The following ARHGAP22 variants were observed in gnomAD, a reference collection of about 807,000 sequenced individuals.
ARHGAP22 encodes rho GTPase-activating protein 22.
ARHGAP22 carries 48 observed loss-of-function variants against 59.1 expected under a neutral mutation model. The ratio of observed to expected loss-of-function variants is 0.81; its 90% CI spans 0.64 to 1.03. The LOEUF is 1.03. ARHGAP22 is among the 50% of genes least tolerant of loss of function. The pLI is 0.00. For missense variants in ARHGAP22, 1,015 were observed against 958.7 expected (o/e 1.06, Z -0.78); for synonymous variants, 445 against 416.4 (o/e 1.07, Z -0.84).
At chr10:48,567,654 G>A (rs935901257) in intron 2 of ARHGAP22, among the ~76,000 whole-genome samples, 1 of 152,136 alleles carries the variant, frequency 6.6e-6, no homozygotes, top group Non-Finnish European at 1.5e-5. Flanking sequence ...ATGGTATGGG[G>A]TTCTGGCCAG....
intron 3 of ARHGAP22, among the ~76,000 whole-genome samples, chr10:48,518,064 AC>A (rs1038100389): frequency 4.0e-4 from 60 of 150,274 alleles, no homozygotes; most frequent in African/African-American, 1.3e-3. Flanking sequence ...TTTTTGAAAA[AC>A]CCCCAGGGCT....
At chr10:48,434,640 C>T in the ARHGAP22 span, among the ~76,000 whole-genome samples, 3 of 152,138 alleles carry the variant, frequency 2.0e-5, no homozygotes, top group Non-Finnish European at 4.4e-5. Context: ...TTGTCTTAAA[C>T]TGAAAAACAC....
intron 3 of ARHGAP22, among the ~76,000 whole-genome samples, chr10:48,524,412 C>G (rs1182265448): frequency 6.6e-6 from 1 of 151,928 alleles, no homozygotes; most frequent in African/African-American, 2.4e-5. Flanking sequence ...GGCGCCCTCC[C>G]CACGGCCCGT....
upstream of ARHGAP22, among the ~76,000 whole-genome samples, chr10:48,655,074 CTTCT>C (rs2062747608): frequency 2.4e-5 from 1 of 42,218 alleles, no homozygotes; most frequent in African/African-American, 9.4e-5. Flanking sequence ...CCCTCCTTCT[CTTCT>C]CTTCTCTTCT....
chr10:48,431,135 C>T, the ARHGAP22 span: 151 of 1,047,976 alleles, frequency 1.4e-4, no homozygotes, highest in African/African-American at 1.8e-3. Context: ...ACCATACATG[C>T]GTTGTGAGAT....
At chr10:48,485,441 C>T (rs1249884085) in intron 3 of ARHGAP22, among the ~76,000 whole-genome samples, 1 of 152,164 alleles carries the variant, frequency 6.6e-6, no homozygotes, top group Non-Finnish European at 1.5e-5. Flanking sequence ...GCTCAGTGAA[C>T]TTGCTAAGTG....
chr10:48,485,897 T>C (rs1015169758), intron 3 of ARHGAP22, among the ~76,000 whole-genome samples: 2 of 152,214 alleles, frequency 1.3e-5, no homozygotes, highest in African/African-American at 4.8e-5. Context: ...AGTGCATTTT[T>C]TATCAGGCAT....
At chr10:48,592,082 C>T (rs530503382) in intron 1 of ARHGAP22, among the ~76,000 whole-genome samples, 1 of 152,294 alleles carries the variant, frequency 6.6e-6, no homozygotes, top group South Asian at 2.1e-4. Flanking sequence ...TTAGAAAAGA[C>T]TTGAAAAGAA....
At chr10:48,562,970 A>G (rs1443965831) in intron 2 of ARHGAP22, among the ~76,000 whole-genome samples, 2 of 152,156 alleles carry the variant, frequency 1.3e-5, no homozygotes, top group Non-Finnish European at 2.9e-5. Flanking sequence ...ACTGGGCTAT[A>G]GTCAATAGCT....
intron 2 of ARHGAP22, among the ~76,000 whole-genome samples, chr10:48,563,255 G>T (rs957786866): frequency 7.3e-6 from 1 of 136,638 alleles, no homozygotes; most frequent in African/African-American, 2.8e-5. Context: ...GTGCAGTGGC[G>T]CAATCTTGGC....
chr10:48,489,465 G>A (rs887272446), intron 3 of ARHGAP22, among the ~76,000 whole-genome samples: 3 of 152,202 alleles, frequency 2.0e-5, no homozygotes, highest in African/African-American at 7.2e-5. Context: ...TGAAATGGAG[G>A]ATTACAAGAT....
At chr10:48,525,903 A>C (rs565965768) in intron 3 of ARHGAP22, among the ~76,000 whole-genome samples, 43 of 152,222 alleles carry the variant, frequency 2.8e-4, no homozygotes, top group Non-Finnish European at 5.7e-4. Flanking sequence ...GTAAAAGGAA[A>C]GCATAATCAG....
chr10:48,454,495 A>G (rs921797119), intron 6 of ARHGAP22, among the ~76,000 whole-genome samples: 1 of 152,172 alleles, frequency 6.6e-6, no homozygotes, highest in Non-Finnish European at 1.5e-5. Context: ...GCCGCAGGGA[A>G]GGCAAACAGT....
rs536269979 is a variant in ARHGAP22 at position 48,593,918 on chromosome 10, A to G, written c.35-10766T>C. ...ACATATCCCACCTAGAATGGTGATAATGTTCCTAAAGGGAAGCCCGGAGCT... is the reference window on the plus strand; with the variant it reads ...ACATATCCCACCTAGAATGGTGATAGTGTTCCTAAAGGGAAGCCCGGAGCT... On this transcript the variant is annotated intron_variant, in intron 1 of 9. Transcript: ENST00000249601. 6.6e-5 allele frequency among the ~76,000 whole-genome samples: 10 copies of G among 152,352 alleles called. No homozygotes were observed. The South Asian group carries it at 1.9e-3, about 28-fold the overall frequency.
rs576810982 is a variant in ARHGAP22, at chr10:48,583,866, C to A, written c.35-714G>T. ...AGGGCAGAGGGGCCAGCACTCCTACCCCAGAGCCTCTGAGTGCCCGTGAGC... is the reference window on the plus strand; with the variant it reads ...AGGGCAGAGGGGCCAGCACTCCTACACCAGAGCCTCTGAGTGCCCGTGAGC... On this transcript the variant is annotated intron_variant, in intron 1 of 9. Coordinates refer to ENST00000249601, the MANE Select transcript of ARHGAP22 (RefSeq NM_021226.4). Among the ~76,000 whole-genome samples the A allele has an allele frequency of 5.9e-5, 9 of 152,302 alleles. No homozygotes were observed. The East Asian group carries it at 1.5e-3, about 26-fold the overall frequency.
chr10:48,523,509 C>G (rs2054008420), intron 3 of ARHGAP22, among the ~76,000 whole-genome samples: 1 of 152,254 alleles, frequency 6.6e-6, no homozygotes, highest in East Asian at 1.9e-4. Flanking sequence ...ATTCCTCAAG[C>G]AGCTCTGCTC....
At position 48,577,809 on chromosome 10, in the gene ARHGAP22, T is replaced by C. The variant is rs1225676097; in HGVS notation, c.234+5144A>G. Among the ~76,000 whole-genome samples, 37 of 112,024 alleles carry C rather than the reference T, an allele frequency of 3.3e-4. 1 individual carries two copies. Among genetic ancestry groups the C allele is most frequent in the South Asian group, 7.6e-4 (2 of 2,644 alleles). The allele number at this position is 112,024 out of a possible 152,430, so 73.5% of individuals were successfully genotyped here. On this transcript the variant is annotated intron_variant, in intron 2 of 9. Transcript: ENST00000249601. ...CTAACTGCTCTTTTTTGGTTTTTTTTTTTTTTTTTTTTTTTTTTTTGGAGA... is the reference window on the plus strand; with the variant it reads ...CTAACTGCTCTTTTTTGGTTTTTTTCTTTTTTTTTTTTTTTTTTTTGGAGA...
upstream of ARHGAP22, among the ~76,000 whole-genome samples, chr10:48,655,254 TG>T (rs2062767757): frequency 2.3e-4 from 1 of 4,376 alleles, no homozygotes; most frequent in Non-Finnish European, 1.2e-3. Flanking sequence ...TGTGTGTGTG[TG>T]TGGGGGGGGG....
rs540613197 is a variant in ARHGAP22 at position 48,633,225 on chromosome 10, T to G, written c.52+19009A>C. Among the ~76,000 whole-genome samples the G allele has an allele frequency of 1.1e-4, 16 of 152,290 alleles. No homozygotes were observed. In the South Asian group the frequency reaches 3.3e-3, roughly 32 times the overall value. On this transcript the variant is annotated intron_variant, in intron 1 of 9. Transcript: ENST00000435790. ...GATCATTTCCCAGGCCTGTCCACCT[T>G]TAATGGCCCCAGTCAGCTCTCATTT...
Sources: gnomAD v4.1 joint callset for allele counts (sites outside exome capture counted in the v4.1 genomes callset) on GRCh38, gnomAD v4.1.1 for gene constraint, MANE v1.5 for transcripts, NCBI Gene and HGNC (gene_info 2026-07-23, HGNC 2026-07-21) for gene names.